Variants in MAU2 observed in about 807,000 individuals in gnomAD.
The protein encoded by MAU2 is MAU2 chromatid cohesion factor homolog.
In MAU2, 9 loss-of-function variants were observed where a neutral mutation model predicts 89.1. That is an observed-to-expected ratio of 0.10 (90% CI 0.06 to 0.18). The LOEUF (loss-of-function observed/expected upper bound fraction) is 0.18. Ranked by LOEUF, MAU2 falls within the 10% of genes least tolerant of loss-of-function variation. The probability of loss-of-function intolerance (pLI) is 1.00; values close to 1 mark genes in which losing one functional copy is unlikely to be tolerated. For missense variants in MAU2, 425 were observed against 803.5 expected (o/e 0.53, Z 5.69); for synonymous variants, 357 against 343.4 (o/e 1.04, Z -0.44).
At chr19:19,322,678 T>C (rs975936241) in intron 1 of MAU2, among the ~76,000 whole-genome samples, 4 of 146,694 alleles carry the variant, frequency 2.7e-5, no homozygotes, top group Admixed American at 6.8e-5. Flanking sequence ...GCTGTGATCC[T>C]GTCAGACCCC....
intron 1 of MAU2, among the ~76,000 whole-genome samples, chr19:19,335,231 A>C (rs931959873): frequency 6.6e-6 from 1 of 152,090 alleles, no homozygotes; most frequent in Admixed American, 6.6e-5. Context: ...AGCATCTTTC[A>C]AATGCCTCTT....
intron 16 of MAU2, among the ~76,000 whole-genome samples, chr19:19,349,741 G>A (rs1211111324): frequency 1.3e-5 from 2 of 152,186 alleles, no homozygotes; most frequent in African/African-American, 4.8e-5. Flanking sequence ...AGCTACTGGG[G>A]ATGACGCAGC....
Position 19,344,976 on chromosome 19 carries a change from A to G in MAU2, c.1155+50A>G, listed in dbSNP as rs1162622250. Reference sequence around the variant, plus strand: ...CGGGAGAATCCAGAATGTTCTCAGTAAGTAAGTACCTAACCAGATCCAGAA... The same window carrying G: ...CGGGAGAATCCAGAATGTTCTCAGTGAGTAAGTACCTAACCAGATCCAGAA... On this transcript the variant is annotated intron_variant, in intron 11 of 18. Transcript: ENST00000262815. 2.6e-6 allele frequency: 4 copies of G among 1,535,072 alleles called. No homozygotes were observed. The East Asian group carries it at 6.8e-5, about 26-fold the overall frequency.
Position 19,355,864 on chromosome 19 carries a change from G to A in MAU2, c.*82G>A, listed in dbSNP as rs778492320. Reference sequence around the variant, plus strand: ...GACGGCACTCAAGCCTGCCCCCGAGGCGTGCTTCCTTCCTGATTGTCTCTA... The same window carrying A: ...GACGGCACTCAAGCCTGCCCCCGAGACGTGCTTCCTTCCTGATTGTCTCTA... On this transcript the variant is annotated 3_prime_UTR_variant, in exon 19 of 19. Transcript: ENST00000262815. 7 of 1,288,338 alleles carry A rather than the reference G, an allele frequency of 5.4e-6. 1 individual carries two copies. The South Asian group carries it at 7.1e-5, about 13-fold the overall frequency. The allele number at this position is 1,288,338 out of a possible 1,614,324, so 79.8% of individuals were successfully genotyped here.
chr19:19,334,599 G>A, intron 1 of MAU2: 2 of 985,474 alleles, frequency 2.0e-6, no homozygotes, highest in Non-Finnish European at 2.4e-6. Flanking sequence ...TCCCATCTGG[G>A]CAGGTGCTTT....
intron 1 of MAU2, among the ~76,000 whole-genome samples, chr19:19,326,706 A>ATATATATATATACATATATATATGTG (rs2061508962): frequency 2.3e-5 from 2 of 86,984 alleles, no homozygotes; most frequent in Admixed American, 1.3e-4. Flanking sequence ...ATATATGTAT[A>ATATATATATATACATATATATATGTG]TATATATATA....
At chr19:19,350,757 G>A (rs1277842576) in intron 16 of MAU2, among the ~76,000 whole-genome samples, 9 of 151,908 alleles carry the variant, frequency 5.9e-5, no homozygotes, top group South Asian at 4.1e-4. Flanking sequence ...AAAATTAGCC[G>A]GGCATGGTGG....
intron 5 of MAU2, among the ~76,000 whole-genome samples, chr19:19,339,329 C>G (rs2061621637): frequency 6.6e-6 from 1 of 152,078 alleles, no homozygotes. Context: ...TACCTGTAAT[C>G]CCAGGTACTC....
At chr19:19,329,879 C>A (rs1324899870) in intron 1 of MAU2, among the ~76,000 whole-genome samples, 3 of 151,992 alleles carry the variant, frequency 2.0e-5, no homozygotes, top group African/African-American at 7.3e-5. Context: ...GTGCTTGAGC[C>A]TGAGAATTCA....
At position 19,338,745 on chromosome 19, in the gene MAU2, C is replaced by T. The variant is rs577793983; in HGVS notation, c.457-100C>T. On this transcript the variant is annotated intron_variant, in intron 4 of 18. Transcript: ENST00000262815. ...AAACTGACACAGGCAGTTTCACTGA[C>T]GTGGGGAGGTTTGGTTGAGTTTGCT... 23 of 774,494 alleles carry T rather than the reference C, an allele frequency of 3.0e-5. No individual in the cohort carries two copies. The East Asian group carries it at 3.1e-4, about 11-fold the overall frequency. 48.0% of individuals were successfully genotyped at this position (774,494 alleles called of 1,614,324 possible). A position where few individuals can be genotyped will look rare whatever the true frequency, so the allele number is the denominator to read the frequency against.
intron 4 of MAU2, among the ~76,000 whole-genome samples, chr19:19,338,252 G>A (rs777978515): frequency 6.6e-6 from 1 of 152,198 alleles, no homozygotes; most frequent in Non-Finnish European, 1.5e-5. Flanking sequence ...ATCTCCCCAC[G>A]CACTCTTGTG....
rs919937780 is a variant in MAU2, at chr19:19,345,458, G to A, written c.1221+89G>A. On this transcript the variant is annotated intron_variant, in intron 12 of 18. Coordinates refer to ENST00000262815, the MANE Select transcript of MAU2 (RefSeq NM_015329.4). This position sits in a 1 kb window ranked among gnomAD's most constrained non-coding sequence, Gnocchi z 4.9. ...GGTCTGTGATGAGGACAGCAGTCGC[G>A]CTAGGTCAGCTATGCAAAGCCGCAG... 18 of 1,262,188 alleles carry A rather than the reference G, an allele frequency of 1.4e-5. No homozygotes were observed. The highest frequency in any genetic ancestry group is 3.4e-5 in the Admixed American group (2 of 58,330). The allele number at this position is 1,262,188 out of a possible 1,614,324, so 78.2% of individuals were successfully genotyped here.
intron 1 of MAU2, among the ~76,000 whole-genome samples, chr19:19,323,920 G>A (rs530351631): frequency 6.6e-6 from 1 of 152,324 alleles, no homozygotes; most frequent in South Asian, 2.1e-4. Flanking sequence ...CTCCAGCTCA[G>A]TGATAACCAG....
intron 4 of MAU2, among the ~76,000 whole-genome samples, chr19:19,337,730 G>C (rs56317107): frequency 0.034 from 5,133 of 152,238 alleles, 311 homozygotes; most frequent in African/African-American, 0.12. Context: ...GTCAAGCATT[G>C]TGTCCCACAT....
chr19:19,328,932 A>C (rs891909424), intron 1 of MAU2: 7 of 408,286 alleles, frequency 1.7e-5, no homozygotes, highest in Non-Finnish European at 3.4e-5. Context: ...TCTCTGTGTC[A>C]ATGCCATGCG....
Position 19,344,883 on chromosome 19 carries a change from C to T in MAU2, c.1112C>T (p.Pro371Leu). 1 of 1,613,842 alleles carries T rather than the reference C, an allele frequency of 6.2e-7. No individual in the cohort carries two copies. The highest frequency in any genetic ancestry group is 1.3e-5 in the African/African-American group (1 of 75,050). ...SQVCQLCQQSPRLFSNHAAQL... is the reference protein window; with the variant it reads ...SQVCQLCQQSLRLFSNHAAQL... ...GTCTGCCAGCTGTGCCAGCAGTCCC[C>T]CCGGCTCTTCTCCAACCATGCAGCA... The change falls in exon 11 of 19, where the codon CCC (proline) becomes CTC (leucine). Residue 371 changes from proline to leucine, a missense_variant. By Grantham distance (98) the Pro-to-Leu change is moderately conservative (BLOSUM62 -3). Around this residue, in one of 11 missense-constraint regions of MAU2, gnomAD observed 39 missense variants for 56.3 expected, o/e 0.69. Transcript: ENST00000262815.
chr19:19,343,790 C>A, intron 9 of MAU2, 47 bp from the exon 10 acceptor site: 1 of 1,437,638 alleles, frequency 7.0e-7, no homozygotes. Context: ...GGGGGTGGCG[C>A]CTCCTCTGGC....
intron 1 of MAU2, among the ~76,000 whole-genome samples, chr19:19,325,694 G>A (rs1435764385): frequency 6.6e-6 from 1 of 151,986 alleles, no homozygotes; most frequent in Non-Finnish European, 1.5e-5. Flanking sequence ...AGTCAAGCTG[G>A]TCTCGAACTC....
rs1262245715 is a variant in MAU2, at chr19:19,358,080, A to C, written c.*2298A>C. On this transcript the variant is annotated 3_prime_UTR_variant, in exon 19 of 19. Coordinates refer to ENST00000262815, the MANE Select transcript of MAU2 (RefSeq NM_015329.4). ...CTGGGTGACGGTGAGACTTTGTCTC[A>C]AAAAAAAAAAAAAAAACAATGGAAG... The C allele has an allele frequency of 7.7e-6, 1 of 130,304 alleles. No homozygotes were observed. The highest frequency in any genetic ancestry group is 1.7e-5 in the Non-Finnish European group (1 of 58,322). The allele number at this position is 130,304 out of a possible 1,614,324, so 8.1% of individuals were successfully genotyped here. A position where few individuals can be genotyped will look rare whatever the true frequency, so the allele number is the denominator to read the frequency against.
Sources: allele counts gnomAD v4.1 joint callset (sites outside exome capture counted in the v4.1 genomes callset), GRCh38; gene constraint gnomAD v4.1.1; regional missense constraint gnomAD v4.1.1; non-coding constraint Gnocchi (gnomAD v3.1); transcripts MANE v1.5; gene names NCBI Gene and HGNC (gene_info 2026-07-23, HGNC 2026-07-21).